The following NEXN variants were observed in gnomAD, a reference collection of about 807,000 sequenced individuals.
The protein encoded by NEXN is nexilin.
A neutral mutation model predicts 92.6 loss-of-function variants in NEXN; 65 were observed. That is an observed-to-expected ratio of 0.70 (90% CI 0.57 to 0.86). The LOEUF (loss-of-function observed/expected upper bound fraction) is 0.86. Among genes scored for constraint, NEXN ranks in the 40% least tolerant of loss-of-function variants. The probability of loss-of-function intolerance (pLI) is 0.00; values close to 1 mark genes in which losing one functional copy is unlikely to be tolerated. For missense variants in NEXN, 778 were observed against 771.1 expected, an observed-to-expected ratio of 1.01 and a Z score of -0.11; for synonymous variants, 254 against 242.5, an observed-to-expected ratio of 1.05 and a Z score of -0.44.
intron 10 of NEXN, among the ~76,000 whole-genome samples, chr1:77,933,769 TTATATA>T (rs1224281694): frequency 1.3e-5 from 2 of 152,142 alleles, no homozygotes; most frequent in Non-Finnish European, 2.9e-5. Context: ...AATACATATA[TTATATA>T]TAGACTATAC....
At chr1:77,912,478 T>C (rs1648665850) in intron 1 of NEXN, among the ~76,000 whole-genome samples, 1 of 152,136 alleles carries the variant, frequency 6.6e-6, no homozygotes, top group South Asian at 2.1e-4. Context: ...GGGAAAAGAC[T>C]TGGAATAGCC....
chr1:77,929,416 GAGA>G lies in NEXN; in HGVS notation c.969_971del (p.Glu323del), dbSNP rs1481414016. The G allele has an allele frequency of 1.2e-6, 2 of 1,613,788 alleles. No homozygotes were observed. Among genetic ancestry groups the G allele is most frequent in the Admixed American group, 3.3e-5 (2 of 59,990 alleles). ...TTTGAAGAAATGGAAAGGCAAAGAA[GAGA>G]AGATGAAAAAAGGAAAGCAGAAGAA... On this transcript the variant is annotated inframe_deletion, in exon 9 of 13. Coordinates refer to ENST00000334785, the MANE Select transcript of NEXN (RefSeq NM_144573.4).
At chr1:77,928,490 AT>A (rs1489342748) in intron 8 of NEXN, among the ~76,000 whole-genome samples, 1 of 151,972 alleles carries the variant, frequency 6.6e-6, no homozygotes, top group Non-Finnish European at 1.5e-5. Context: ...CACATTTTAG[AT>A]ATTTCTGGTG....
At chr1:77,936,102 G>T (rs1351637924) in intron 11 of NEXN, 58 bp downstream of exon 11, 6 of 1,295,596 alleles carry the variant, frequency 4.6e-6, no homozygotes, top group Non-Finnish European at 6.6e-6. Context: ...AAATTTAACA[G>T]AAGTAACATT....
intron 11 of NEXN, among the ~76,000 whole-genome samples, chr1:77,937,693 A>C (rs1780048): frequency 0.81 from 122,636 of 151,986 alleles, 49,689 homozygotes; most frequent in Middle Eastern, 0.87. Flanking sequence ...CATCTCAAAA[A>C]AATAAAAAAT....
intron 12 of NEXN, 75 bp from the exon 13 acceptor site, chr1:77,942,386 A>G: frequency 1.9e-6 from 3 of 1,541,706 alleles, no homozygotes; most frequent in Non-Finnish European, 2.7e-6. Flanking sequence ...AAAAAATTTC[A>G]TTTCAAAATT....
chr1:77,934,047 T>TC (rs1650539281), intron 10 of NEXN, among the ~76,000 whole-genome samples: 1 of 148,112 alleles, frequency 6.8e-6, no homozygotes, highest in African/African-American at 2.5e-5. Context: ...TCTTGCTCTG[T>TC]TGCCCAGGCT....
At chr1:77,900,587 T>C (rs1647622546) in intron 1 of NEXN, among the ~76,000 whole-genome samples, 1 of 152,190 alleles carries the variant, frequency 6.6e-6, no homozygotes, top group African/African-American at 2.4e-5. Flanking sequence ...TGCAGCTTTT[T>C]TGATAAATTG....
At position 77,888,653 on chromosome 1, in the gene NEXN, A is replaced by T. The variant is rs554826123; in HGVS notation, c.-159A>T. 1 of 166,258 alleles carries T rather than the reference A, an allele frequency of 6.0e-6. No homozygotes were observed. Among genetic ancestry groups the T allele is most frequent in the South Asian group, 1.3e-4 (1 of 7,422 alleles). The allele number at this position is 166,258 out of a possible 1,614,324, so 10.3% of individuals were successfully genotyped here. A position where few individuals can be genotyped will look rare whatever the true frequency, so the allele number is the denominator to read the frequency against. On this transcript the variant is annotated 5_prime_UTR_variant, in exon 1 of 13. Coordinates refer to ENST00000334785, the MANE Select transcript of NEXN (RefSeq NM_144573.4). Reference sequence around the variant, plus strand: ...AGAGGACTCCCAGCGGCTGGAGCAGAAGTGTTAGCGGCCAGAGCTCCCAGA... The same window carrying T: ...AGAGGACTCCCAGCGGCTGGAGCAGTAGTGTTAGCGGCCAGAGCTCCCAGA...
At position 77,918,141 on chromosome 1, in the gene NEXN, A is replaced by G. The variant is rs577229227; in HGVS notation, c.315A>G (p.Arg105=). Residue 105 remains arginine, a synonymous_variant, in exon 5 of 13, where the codon AGA becomes AGG. Transcript: ENST00000334785. ...VPKLTGTVKG[R]FAEMEKQRQE... ...TATTTTTAGGAACTGTGAAGGGTAGATTTGCTGAAATGGAGAAACAAAGAC... is the reference window on the plus strand; with the variant it reads ...TATTTTTAGGAACTGTGAAGGGTAGGTTTGCTGAAATGGAGAAACAAAGAC... 3.1e-6 allele frequency: 5 copies of G among 1,614,060 alleles called. No individual in the cohort carries two copies. The South Asian group carries it at 4.4e-5, about 14-fold the overall frequency.
At chr1:77,941,239 A>G (rs1400719073) in intron 11 of NEXN, among the ~76,000 whole-genome samples, 2 of 99,606 alleles carry the variant, frequency 2.0e-5, no homozygotes, top group Non-Finnish European at 4.0e-5. Context: ...TAGAAACCAA[A>G]AGTCAAGAAA....
rs1258886024 is a variant in NEXN, at chr1:77,897,757, A to G, written c.-53+8998A>G. On this transcript the variant is annotated intron_variant, in intron 1 of 12. Coordinates refer to ENST00000334785, the MANE Select transcript of NEXN (RefSeq NM_144573.4). The stretch of plus-strand genomic sequence containing the variant: ...AGATGACATGATTGTATATGTAGAA[A>G]ACCCCACTGTCTCAGCCCAAAATCT... Among the ~76,000 whole-genome samples the G allele has an allele frequency of 2.6e-5, 4 of 152,364 alleles. No individual in the cohort carries two copies. In the South Asian group the frequency reaches 6.2e-4, roughly 24 times the overall value.
At chr1:77,935,545 A>G (rs927392793) in intron 10 of NEXN, among the ~76,000 whole-genome samples, 1 of 152,268 alleles carries the variant, frequency 6.6e-6, no homozygotes, top group Non-Finnish European at 1.5e-5. Context: ...TTGAGTTAGT[A>G]AATTTGGACC....
At chr1:77,899,463 A>C (rs1208654489) in intron 1 of NEXN, among the ~76,000 whole-genome samples, 1 of 152,118 alleles carries the variant, frequency 6.6e-6, no homozygotes, top group Non-Finnish European at 1.5e-5. Flanking sequence ...AACAATGAGA[A>C]CACATGGACA....
chr1:77,911,379 G>C (rs991603974), intron 1 of NEXN, among the ~76,000 whole-genome samples: 9 of 152,160 alleles, frequency 5.9e-5, no homozygotes, highest in Non-Finnish European at 1.3e-4. Flanking sequence ...ATTACCTGAG[G>C]TCAGGAGTTC....
chr1:77,927,064 G>C (rs1044649863), intron 8 of NEXN, among the ~76,000 whole-genome samples, 172 bp downstream of exon 8: 4 of 152,102 alleles, frequency 2.6e-5, no homozygotes, highest in African/African-American at 9.7e-5. Flanking sequence ...GGCTCATGCT[G>C]TAATCCCAGC....
rs537790243 is a variant in NEXN at position 77,904,018 on chromosome 1, A to G, written c.-52-12037A>G. 9.7e-4 allele frequency among the ~76,000 whole-genome samples: 148 copies of G among 152,216 alleles called. 1 individual carries two copies. Among genetic ancestry groups the G allele is most frequent in the African/African-American group, 3.4e-3 (140 of 41,536 alleles). On this transcript the variant is annotated intron_variant, in intron 1 of 12. Transcript: ENST00000334785. ...TTTTATTTTTATTTTTTTGTGACAG[A>G]GTCTTACTCTGTCACCCAAGCTGGA... is the stretch of plus-strand genomic sequence containing the variant.
rs960064460 is a variant in NEXN, at chr1:77,918,075, C to A, written c.298+37C>A. 14 of 1,611,988 alleles carry A rather than the reference C, an allele frequency of 8.7e-6. No individual in the cohort carries two copies. In the Middle Eastern group the frequency reaches 4.9e-4, roughly 57 times the overall value. Reference sequence around the variant, plus strand: ...GAGGGGTAAATAGTAAATTAAATTGCAAAATAGAAACATAACCAAGTATCA... The same window carrying A: ...GAGGGGTAAATAGTAAATTAAATTGAAAAATAGAAACATAACCAAGTATCA... On this transcript the variant is annotated intron_variant, in intron 4 of 12. Transcript: ENST00000334785.
intron 10 of NEXN, among the ~76,000 whole-genome samples, chr1:77,934,010 A>ATTTTT (rs1557989047): frequency 4.2e-5 from 1 of 23,630 alleles, no homozygotes; most frequent in South Asian, 1.2e-3. Flanking sequence ...GCTAATTTTT[A>ATTTTT]ATTTTTTTTT....
Sources: allele counts gnomAD v4.1 joint callset (sites outside exome capture counted in the v4.1 genomes callset), GRCh38; gene constraint gnomAD v4.1.1; transcripts MANE v1.5; gene names NCBI Gene and HGNC (gene_info 2026-07-23, HGNC 2026-07-21).